Variants in WNK2 observed in about 807,000 individuals in gnomAD.
WNK2 encodes the protein serine/threonine-protein kinase WNK2.
A neutral mutation model predicts 192.1 loss-of-function variants in WNK2; 67 were observed. The observed-to-expected ratio is 0.35, with a 90% CI of 0.29 to 0.43. WNK2 has a LOEUF of 0.43. Among genes scored for constraint, WNK2 ranks in the 20% least tolerant of loss-of-function variants. The pLI is 1.00. For missense variants in WNK2, 2,698 were observed against 3,089.7 expected (o/e 0.87, Z 3.01); for synonymous variants, 1,439 against 1,393.9 (o/e 1.03, Z -0.72).
chr9:93,258,440 A>G (rs913396160), intron 11 of WNK2, among the ~76,000 whole-genome samples: 1 of 152,230 alleles, frequency 6.6e-6, no homozygotes, highest in Non-Finnish European at 1.5e-5. Context: ...TGCATGTTGC[A>G]GGGATCAGGC....
At chr9:93,233,670 C>G (rs1345670101) in intron 4 of WNK2, among the ~76,000 whole-genome samples, 1 of 146,446 alleles carries the variant, frequency 6.8e-6, no homozygotes, top group Non-Finnish European at 1.5e-5. Flanking sequence ...CCATTGCACT[C>G]CAGCCTGGGG....
chr9:93,288,716 T>G (rs1004288091), intron 19 of WNK2, 72 bp from the exon 20 acceptor site: 1 of 1,436,706 alleles, frequency 7.0e-7, no homozygotes. Context: ...AGGCATCTTT[T>G]TAGCCAAGGA....
chr9:93,248,748 A>C (rs375406747), intron 8 of WNK2, among the ~76,000 whole-genome samples: 1 of 152,244 alleles, frequency 6.6e-6, no homozygotes, highest in South Asian at 2.1e-4. Context: ...TCTTCTGCAC[A>C]TACAGGCAGA....
chr9:93,227,267 C>T (rs1186685339), intron 2 of WNK2, among the ~76,000 whole-genome samples: 27 of 152,072 alleles, frequency 1.8e-4, no homozygotes, highest in Non-Finnish European at 2.9e-5. Flanking sequence ...GCGCCCGCCA[C>T]CACGCCCAGC....
intron 2 of WNK2, among the ~76,000 whole-genome samples, chr9:93,206,627 C>A (rs1452090024): frequency 2.0e-5 from 3 of 152,088 alleles, no homozygotes; most frequent in Non-Finnish European, 4.4e-5. Context: ...TCCCAGGAGC[C>A]AGCACCGGGC....
At chr9:93,306,037 A>C (rs192152047) in intron 26 of WNK2, among the ~76,000 whole-genome samples, 3 of 152,262 alleles carry the variant, frequency 2.0e-5, no homozygotes, top group East Asian at 1.9e-4. Context: ...CATTGCATTC[A>C]GTGTATACCA....
chr9:93,249,235 A>G (rs1278103442), intron 8 of WNK2, among the ~76,000 whole-genome samples: 3 of 152,170 alleles, frequency 2.0e-5, no homozygotes, highest in Non-Finnish European at 4.4e-5. Flanking sequence ...GAGTTTAAAA[A>G]TCTCCTTTTT....
intron 26 of WNK2, among the ~76,000 whole-genome samples, chr9:93,301,444 C>T (rs888324492): frequency 1.3e-5 from 2 of 152,186 alleles, no homozygotes; most frequent in African/African-American, 2.4e-5. Context: ...ATGCCAGGGC[C>T]TTCCCAGGGC....
intron 1 of WNK2, 61 bp from the exon 2 acceptor site, chr9:93,184,867 C>G (rs569715513): frequency 2.5e-6 from 3 of 1,180,894 alleles, no homozygotes; most frequent in Admixed American, 4.5e-5. Context: ...TCTCATCCGG[C>G]GGCCTGGGCA....
chr9:93,288,683 C>T, intron 19 of WNK2, 105 bp from the exon 20 acceptor site: 1 of 1,183,696 alleles, frequency 8.4e-7, no homozygotes, highest in South Asian at 1.6e-5. Flanking sequence ...GACCAGCACG[C>T]TGGGGCCATG....
rs1842780384 is a variant in WNK2, at chr9:93,252,911, C to T, written c.1863C>T (p.Gly621=). The part of the protein sequence containing the change: ...ASDSTFDSGQ[G]STVYSDSQSS... ...ACAGCACCTTCGACAGCGGCCAGGGCTCTACCGTGTACTCAGACTCGCAGA... is the reference window on the plus strand; with the variant it reads ...ACAGCACCTTCGACAGCGGCCAGGGTTCTACCGTGTACTCAGACTCGCAGA... Residue 621 remains glycine (G), a synonymous_variant, in exon 9 of 30, where the codon GGC becomes GGT. Transcript: ENST00000427277. 1 of 1,552,428 alleles carries T rather than the reference C, an allele frequency of 6.4e-7. No individual in the cohort carries two copies. The highest frequency in any genetic ancestry group is 1.2e-5 in the South Asian group (1 of 82,774).
At chr9:93,185,711 G>GGGATGGCC in intron 2 of WNK2, 101 bp downstream of exon 2, 1 of 1,348,448 alleles carries the variant, frequency 7.4e-7, no homozygotes. Context: ...AGAAGCCCTG[G>GGGATGGCC]GGGCGGCGGG....
At chr9:93,280,869 C>T (rs1931365) in intron 19 of WNK2, among the ~76,000 whole-genome samples, 133,333 of 152,202 alleles carry the variant, frequency 0.88, 59,590 homozygotes, top group East Asian at 1. Context: ...TTGTGGTCTA[C>T]CCATACACTA....
In WNK2 at chr9:93,297,936, C is replaced by A. The variant is rs1386797526; in HGVS notation, c.5792C>A (p.Pro1931His). The A allele has an allele frequency of 6.3e-7, 1 of 1,589,430 alleles. No individual in the cohort carries two copies. Among genetic ancestry groups the A allele is most frequent in the Admixed American group, 1.8e-5 (1 of 56,708 alleles). The part of the protein sequence containing the change: ...ALYRRLGKPL[P>H]PNVGFFHTAP... ...TACCGCCGCCTGGGCAAGCCACTGC[C>A]CCCCAACGTGGGCTTCTTCCACACG... Residue 1931 changes from proline to histidine, a missense_variant, in exon 24 of 30, where the codon CCC becomes CAC. Physicochemically the swap from Pro to His is moderately conservative, Grantham distance 77. Transcript: ENST00000427277.
intron 25 of WNK2, 72 bp downstream of exon 25, chr9:93,299,333 G>A (rs770542203): frequency 1.6e-5 from 24 of 1,481,416 alleles, no homozygotes; most frequent in Non-Finnish European, 2.0e-5. Context: ...CCAGGAGCAC[G>A]CCCGTGTTGT....
In WNK2 at chr9:93,259,089, C is replaced by T. The variant is rs562681454; in HGVS notation, c.2541C>T (p.Leu847=). The change falls in exon 12 of 30, where the codon CTC becomes CTT. Residue 847 remains leucine (L), a synonymous_variant. Coordinates refer to ENST00000427277, the MANE Select transcript of WNK2 (RefSeq NM_006648.4). The surrounding 1 kb of genome is among the most constrained non-coding windows in gnomAD (Gnocchi z 4.8). ...AVILPSLAAP[L]PPASPALPLQ... ...TCTTGCCGAGCCTCGCTGCCCCACT[C>T]CCCCCTGCGTCCCCAGCCTTGCCTC... 12 of 1,612,790 alleles carry T rather than the reference C, an allele frequency of 7.4e-6. No individual in the cohort carries two copies. The highest frequency in any genetic ancestry group is 4.4e-5 in the South Asian group (4 of 91,060).
chr9:93,224,575 C>T (rs1837492132), intron 2 of WNK2, among the ~76,000 whole-genome samples: 1 of 152,182 alleles, frequency 6.6e-6, no homozygotes, highest in South Asian at 2.1e-4. Flanking sequence ...AGGGTGCTGT[C>T]CTGCCTTGCC....
chr9:93,236,756 A>C (rs1238820092), intron 5 of WNK2, among the ~76,000 whole-genome samples: 1 of 152,238 alleles, frequency 6.6e-6, no homozygotes, highest in African/African-American at 2.4e-5. Flanking sequence ...GGCCAGCAGC[A>C]GTGACCACAA....
At chr9:93,319,029 C>T (rs915997596) in intron 29 of WNK2, 22 of 1,550,150 alleles carry the variant, frequency 1.4e-5, no homozygotes, top group East Asian at 6.8e-5. Flanking sequence ...ACGATGCTGT[C>T]GTAAGAGATT....
Sources: gnomAD v4.1 joint callset for allele counts (sites outside exome capture counted in the v4.1 genomes callset) on GRCh38, gnomAD v4.1.1 for gene constraint, Gnocchi (gnomAD v3.1) non-coding constraint, MANE v1.5 for transcripts, NCBI Gene and HGNC (gene_info 2026-07-23, HGNC 2026-07-21) for gene names.